Variants in AHI1 observed in about 807,000 individuals in gnomAD.
AHI1 encodes the protein jouberin.
A neutral mutation model predicts 149.3 loss-of-function variants in AHI1; 123 were observed. The ratio of observed to expected loss-of-function variants is 0.82; its 90% CI spans 0.71 to 0.96. The LOEUF is 0.96. Ranked by LOEUF, AHI1 falls within the 40% of genes least tolerant of loss-of-function variation. The pLI is 0.00. For synonymous variants in AHI1, 475 were observed against 459.8 expected, an observed-to-expected ratio of 1.03 and a Z score of -0.42; for missense variants, 1,439 against 1,422.7, an observed-to-expected ratio of 1.01 and a Z score of -0.18.
At chr6:135,486,990 T>A (rs898084315) in intron 5 of AHI1, among the ~76,000 whole-genome samples, 4 of 152,158 alleles carry the variant, frequency 2.6e-5, no homozygotes, top group Admixed American at 2.0e-4. Flanking sequence ...AGTCTTGAAC[T>A]CCTGCACTCA....
chr6:135,497,737 C>T lies in AHI1; in HGVS notation c.-356G>A, dbSNP rs937003952. On this transcript the variant is annotated 5_prime_UTR_variant, in exon 1 of 29. Transcript: ENST00000265602. Reference sequence around the variant, plus strand: ...CGTGTCCTGAAAGCAAGCCGCGGCTCTGTGCCGCAGTGCGGACAGCGCGCC... The same window carrying T: ...CGTGTCCTGAAAGCAAGCCGCGGCTTTGTGCCGCAGTGCGGACAGCGCGCC... The T allele has an allele frequency of 5.5e-6, 1 of 181,804 alleles. No individual in the cohort carries two copies. The highest frequency in any genetic ancestry group is 1.2e-5 in the Non-Finnish European group (1 of 82,562). The allele number at this position is 181,804 out of a possible 1,614,324, so 11.3% of individuals were successfully genotyped here.
At chr6:135,372,556 G>T (rs1188977126) in intron 23 of AHI1, among the ~76,000 whole-genome samples, 2 of 151,846 alleles carry the variant, frequency 1.3e-5, no homozygotes, top group Non-Finnish European at 2.9e-5. Context: ...CTGGATGTGG[G>T]TGTGCATGTG....
chr6:135,429,873 T>G lies in AHI1; in HGVS notation c.2492+9A>C. The G allele has an allele frequency of 2.1e-6, 3 of 1,459,150 alleles. No individual in the cohort carries two copies. Among genetic ancestry groups the G allele is most frequent in the Non-Finnish European group, 2.8e-6 (3 of 1,056,736 alleles). 90.4% of individuals were successfully genotyped at this position (1,459,150 alleles called of 1,614,324 possible). A position where few individuals can be genotyped will look rare whatever the true frequency, so the allele number is the denominator to read the frequency against. ...AGTACTTATCCTGTCAACACTGAAATATACTTACATCCGGAGATCCATAAT... is the reference window on the plus strand; with the variant it reads ...AGTACTTATCCTGTCAACACTGAAAGATACTTACATCCGGAGATCCATAAT... On this transcript the variant is annotated intron_variant, in intron 18 of 28. Coordinates refer to ENST00000265602, the MANE Select transcript of AHI1 (RefSeq NM_001134831.2).
At chr6:135,386,962 C>G (rs1018217511) in intron 23 of AHI1, among the ~76,000 whole-genome samples, 2 of 151,964 alleles carry the variant, frequency 1.3e-5, no homozygotes. Context: ...GGGTCTTGCT[C>G]TGTCTCGACC....
At chr6:135,298,166 C>A (rs1409849892) in intron 27 of AHI1, among the ~76,000 whole-genome samples, 1 of 151,952 alleles carries the variant, frequency 6.6e-6, no homozygotes, top group African/African-American at 2.4e-5. Flanking sequence ...ATATGAAGAA[C>A]ATCACAGGGC....
chr6:135,327,256 T>A (rs1305451239), intron 24 of AHI1, among the ~76,000 whole-genome samples: 4 of 152,158 alleles, frequency 2.6e-5, no homozygotes, highest in Non-Finnish European at 4.4e-5. Flanking sequence ...AAACTACAAA[T>A]GTGTAATGCC....
At chr6:135,440,675 A>G (rs1025959775) in intron 14 of AHI1, among the ~76,000 whole-genome samples, 10 of 152,076 alleles carry the variant, frequency 6.6e-5, no homozygotes, top group Admixed American at 2.6e-4. Context: ...AGACCTATCC[A>G]CTCAAGTATT....
chr6:135,366,239 G>T (rs1274203076), intron 23 of AHI1, among the ~76,000 whole-genome samples: 2 of 149,790 alleles, frequency 1.3e-5, no homozygotes, highest in Non-Finnish European at 2.9e-5. Flanking sequence ...TTGGTCTGCA[G>T]TTTTCTTTTT....
At chr6:135,318,716 G>A (rs1466015110) in intron 25 of AHI1, 100 bp from the exon 26 acceptor site, 5 of 662,952 alleles carry the variant, frequency 7.5e-6, no homozygotes, top group Non-Finnish European at 9.7e-6. Context: ...TAAAGAAATC[G>A]ATATTCAATT....
intron 26 of AHI1, among the ~76,000 whole-genome samples, chr6:135,308,834 G>A (rs1784819731): frequency 6.6e-6 from 1 of 152,188 alleles, no homozygotes. Context: ...AACTACAGGG[G>A]GATTCTCTCA....
At chr6:135,320,910 G>A (rs992096826) in intron 25 of AHI1, among the ~76,000 whole-genome samples, 1 of 152,166 alleles carries the variant, frequency 6.6e-6, no homozygotes, top group African/African-American at 2.4e-5. Flanking sequence ...ACCCAACAAT[G>A]AGAAGAAGGA....
At chr6:135,333,830 A>G (rs561333242) in intron 24 of AHI1, among the ~76,000 whole-genome samples, 1 of 152,352 alleles carries the variant, frequency 6.6e-6, no homozygotes, top group East Asian at 1.9e-4. Flanking sequence ...GATATATGGT[A>G]TACCTTCCAG....
intron 26 of AHI1, among the ~76,000 whole-genome samples, chr6:135,303,993 G>A (rs1320305306): frequency 6.6e-6 from 1 of 152,188 alleles, no homozygotes; most frequent in African/African-American, 2.4e-5. Context: ...TAAGTTTGAA[G>A]TTTTCTTTGA....
At chr6:135,307,684 A>G (rs536733006) in intron 26 of AHI1, among the ~76,000 whole-genome samples, 2 of 151,364 alleles carry the variant, frequency 1.3e-5, no homozygotes, top group African/African-American at 4.8e-5. Context: ...CAATATTTAT[A>G]ATATGTAATT....
intron 23 of AHI1, among the ~76,000 whole-genome samples, chr6:135,377,007 T>C (rs1236216751): frequency 6.8e-6 from 1 of 147,888 alleles, no homozygotes; most frequent in Non-Finnish European, 1.5e-5. Flanking sequence ...CGACAAGCAA[T>C]TTAAGTATGA....
chr6:135,375,958 T>TA lies in AHI1; in HGVS notation c.3110-17772dup, dbSNP rs1227151055. Among the ~76,000 whole-genome samples, 3 of 151,948 alleles carry TA rather than the reference T, an allele frequency of 2.0e-5. No individual in the cohort carries two copies. The East Asian group carries it at 5.8e-4, about 30-fold the overall frequency. On this transcript the variant is annotated intron_variant, in intron 23 of 28. Coordinates refer to ENST00000265602, the MANE Select transcript of AHI1 (RefSeq NM_001134831.2). ...GCTAACTGGTTCATATCAAAGGACATAAGAGCAGGAATGAATGGGCTCTCC... is the reference window on the plus strand; with the variant it reads ...GCTAACTGGTTCATATCAAAGGACATAAAGAGCAGGAATGAATGGGCTCTCC...
At chr6:135,333,336 C>T (rs1412887324) in intron 24 of AHI1, among the ~76,000 whole-genome samples, 3 of 152,084 alleles carry the variant, frequency 2.0e-5, no homozygotes, top group Non-Finnish European at 4.4e-5. Flanking sequence ...GCTTCCTTTA[C>T]TAATAGTGAC....
intron 21 of AHI1, among the ~76,000 whole-genome samples, chr6:135,410,000 T>C (rs1781356956): frequency 1.3e-5 from 2 of 152,196 alleles, no homozygotes; most frequent in Non-Finnish European, 2.9e-5. Flanking sequence ...AGTGGCACTA[T>C]GTATCAGACA....
intron 27 of AHI1, among the ~76,000 whole-genome samples, chr6:135,293,392 C>CA (rs1175955601): frequency 0.013 from 257 of 19,774 alleles, no homozygotes; most frequent in Middle Eastern, 0.029. Flanking sequence ...GTTAACAGGG[C>CA]AAAAAAAAAA....
Sources: allele counts gnomAD v4.1 joint callset (sites outside exome capture counted in the v4.1 genomes callset), GRCh38; gene constraint gnomAD v4.1.1; transcripts MANE v1.5; gene names NCBI Gene and HGNC (gene_info 2026-07-23, HGNC 2026-07-21).